Variants in LMBR1 observed in about 807,000 individuals in gnomAD.
The protein encoded by LMBR1 is limb development membrane protein 1.
Under a neutral mutation model 73.9 loss-of-function variants are expected in LMBR1, and 52 were observed. That is an observed-to-expected ratio of 0.70 (90% confidence interval 0.56 to 0.89). LMBR1 has a LOEUF of 0.89. Among genes scored for constraint, LMBR1 ranks in the 40% least tolerant of loss-of-function variants. LMBR1 has a pLI of 0.00. For synonymous variants in LMBR1, 215 were observed against 209.4 expected (o/e 1.03, Z -0.23); for missense variants, 539 against 579.8 (o/e 0.93, Z 0.72).
At chr7:156,870,503 C>A (rs1052296967) in intron 1 of LMBR1, among the ~76,000 whole-genome samples, 1 of 152,158 alleles carries the variant, frequency 6.6e-6, no homozygotes, top group African/African-American at 2.4e-5. Flanking sequence ...CAGTGGCTCA[C>A]GCCTGTAATC....
At chr7:156,765,719 T>C (rs932930450) in intron 5 of LMBR1, among the ~76,000 whole-genome samples, 2 of 152,208 alleles carry the variant, frequency 1.3e-5, no homozygotes, top group African/African-American at 4.8e-5. Flanking sequence ...TTTATGCAGA[T>C]TTGTTCTAGC....
rs74678795 is a variant in LMBR1, at chr7:156,795,144, G to C, written c.423+1245C>G. On this transcript the variant is annotated intron_variant, in intron 5 of 16. Coordinates refer to ENST00000353442, the MANE Select transcript of LMBR1 (RefSeq NM_022458.4). ...AGCTCTAGGCCTTTGCTCAAGCCTG[G>C]AATGCCACACTCTAGCAAACCCCTG... Among the ~76,000 whole-genome samples, 842 of 152,170 alleles carry C rather than the reference G, an allele frequency of 5.5e-3. 6 individuals are homozygous for C. Among genetic ancestry groups the C allele is most frequent in the African/African-American group, 0.019 (784 of 41,502 alleles).
At chr7:156,708,460 CAGTGGCAGGA>C (rs11278563) in intron 15 of LMBR1, among the ~76,000 whole-genome samples, 2,170 of 152,248 alleles carry the variant, frequency 0.014, 56 homozygotes, top group African/African-American at 0.049. Context: ...AAAGCAGCAT[CAGTGGCAGGA>C]AGAGCCCTGT....
chr7:156,717,998 T>C (rs1176730283), intron 15 of LMBR1, among the ~76,000 whole-genome samples: 1 of 152,228 alleles, frequency 6.6e-6, no homozygotes, highest in African/African-American at 2.4e-5. Flanking sequence ...ATCAGGACTA[T>C]TTATTTATGC....
chr7:156,729,435 C>A (rs1004030234), intron 10 of LMBR1, among the ~76,000 whole-genome samples: 1 of 146,586 alleles, frequency 6.8e-6, no homozygotes, highest in African/African-American at 2.6e-5. Flanking sequence ...ATATATATAT[C>A]TGAATGAATA....
intron 1 of LMBR1, among the ~76,000 whole-genome samples, chr7:156,882,580 CAA>C (rs963999939): frequency 6.6e-6 from 1 of 152,156 alleles, no homozygotes; most frequent in Non-Finnish European, 1.5e-5. Context: ...TTCACAGACT[CAA>C]AGAGTGTAAA....
chr7:156,778,643 T>C (rs1826577666), intron 5 of LMBR1, among the ~76,000 whole-genome samples: 1 of 152,226 alleles, frequency 6.6e-6, no homozygotes, highest in African/African-American at 2.4e-5. Context: ...TTAATTCAGC[T>C]TCCACTAGTA....
rs1056493852 is a variant in LMBR1, at chr7:156,731,660, G to A, written c.838+2517C>T. Among the ~76,000 whole-genome samples, 2 of 152,176 alleles carry A rather than the reference G, an allele frequency of 1.3e-5. 1 individual carries two copies. Among genetic ancestry groups the A allele is most frequent in the South Asian group, 4.1e-4 (2 of 4,824 alleles). On this transcript the variant is annotated intron_variant, in intron 10 of 16. Coordinates refer to ENST00000353442, the MANE Select transcript of LMBR1 (RefSeq NM_022458.4). ...GACAGAATCTATTGCCAGCAAACCT[G>A]TGTTTTTCAAACAGAAGCTAAATGA... is the stretch of plus-strand genomic sequence containing the variant.
chr7:156,702,245 T>C (rs1809915126), intron 15 of LMBR1, among the ~76,000 whole-genome samples: 1 of 152,216 alleles, frequency 6.6e-6, no homozygotes, highest in Non-Finnish European at 1.5e-5. Context: ...CCAACAACAG[T>C]GTAAAAGTGT....
At chr7:156,736,363 G>T (rs1817864371) in intron 9 of LMBR1, 1 of 211,802 alleles carries the variant, frequency 4.7e-6, no homozygotes. Flanking sequence ...TATAGAGCTT[G>T]CATTCATTAT....
At chr7:156,818,849 A>AC (rs1834329163) in intron 4 of LMBR1, among the ~76,000 whole-genome samples, 1 of 152,168 alleles carries the variant, frequency 6.6e-6, no homozygotes, top group African/African-American at 2.4e-5. Context: ...CCATTTTTTA[A>AC]CCCTTTTTCC....
intron 4 of LMBR1, among the ~76,000 whole-genome samples, chr7:156,809,286 T>C (rs1832683186): frequency 6.6e-6 from 1 of 152,240 alleles, no homozygotes; most frequent in Non-Finnish European, 1.5e-5. Flanking sequence ...TATCACTATT[T>C]TGCCTTTGTT....
At chr7:156,845,454 A>G (rs1270941226) in intron 1 of LMBR1, among the ~76,000 whole-genome samples, 1 of 152,176 alleles carries the variant, frequency 6.6e-6, no homozygotes, top group Non-Finnish European at 1.5e-5. Flanking sequence ...AGACAGGAAG[A>G]CAAAAATAGT....
At chr7:156,786,755 T>G (rs954597622) in intron 5 of LMBR1, among the ~76,000 whole-genome samples, 3 of 152,124 alleles carry the variant, frequency 2.0e-5, no homozygotes, top group Admixed American at 6.6e-5. Context: ...ACACAATTAA[T>G]TTAAAGAAAA....
Position 156,763,140 on chromosome 7 carries a change from C to A in LMBR1, c.587G>T (p.Cys196Phe). 1.4e-6 allele frequency: 2 copies of A among 1,413,744 alleles called. No homozygotes were observed. The highest frequency in any genetic ancestry group is 2.0e-6 in the Non-Finnish European group (2 of 1,019,218). The allele number at this position is 1,413,744 out of a possible 1,614,324, so 87.6% of individuals were successfully genotyped here. A position where few individuals can be genotyped will look rare whatever the true frequency, so the allele number is the denominator to read the frequency against. ...TAACAAACATCCCATCAATGATATA[C>A]AGGAATATAAATAGGGTAGATAGAA... ...WEFYLPYLYS[C>F]ISLMGCLLLL... The change falls in exon 7 of 17, where the codon TGT (cysteine) becomes TTT (phenylalanine). Residue 196 changes from cysteine to phenylalanine, a missense_variant. Physicochemically the swap from Cys to Phe is radical, Grantham distance 205 (BLOSUM62 -2). This residue lies in a region of LMBR1 where 454 missense variants were observed against 473.4 expected (regional missense o/e 0.96). Transcript: ENST00000353442.
At chr7:156,728,748 A>G (rs369885007) in intron 10 of LMBR1, 28 bp from the exon 11 acceptor site, 27 of 1,483,128 alleles carry the variant, frequency 1.8e-5, no homozygotes, top group South Asian at 1.2e-4. Flanking sequence ...AAAATAAAAC[A>G]AAGTTTTCTC....
chr7:156,860,976 G>A (rs1797637181), intron 1 of LMBR1, among the ~76,000 whole-genome samples: 1 of 152,352 alleles, frequency 6.6e-6, no homozygotes, highest in South Asian at 2.1e-4. Flanking sequence ...CAGGCGCATG[G>A]TGCAAGCTGT....
At chr7:156,831,765 T>G (rs1232702463) in intron 3 of LMBR1, among the ~76,000 whole-genome samples, 1 of 152,204 alleles carries the variant, frequency 6.6e-6, no homozygotes, top group Non-Finnish European at 1.5e-5. Flanking sequence ...TTCAATGTAC[T>G]TTTAGGGGTA....
At chr7:156,787,733 G>A (rs1371000206) in intron 5 of LMBR1, among the ~76,000 whole-genome samples, 1 of 152,074 alleles carries the variant, frequency 6.6e-6, no homozygotes, top group Non-Finnish European at 1.5e-5. Flanking sequence ...CCATGTCTAA[G>A]TTGTCTATTT....
Sources: allele counts gnomAD v4.1 joint callset (sites outside exome capture counted in the v4.1 genomes callset), GRCh38; gene constraint gnomAD v4.1.1; regional missense constraint gnomAD v4.1.1; transcripts MANE v1.5; gene names NCBI Gene and HGNC (gene_info 2026-07-23, HGNC 2026-07-21).